The following CUL9 variants were observed in gnomAD, a reference collection of about 807,000 sequenced individuals.
The protein encoded by CUL9 is cullin-9.
Under a neutral mutation model 272.6 loss-of-function variants are expected in CUL9, and 79 were observed. The observed-to-expected ratio is 0.29, with a 90% CI of 0.24 to 0.35. The LOEUF (loss-of-function observed/expected upper bound fraction) is 0.35, where lower values mean the gene tolerates loss of function less well. Among genes scored for constraint, CUL9 ranks in the 10% least tolerant of loss-of-function variants. The probability of loss-of-function intolerance (pLI) is 1.00; values close to 1 mark genes in which losing one functional copy is unlikely to be tolerated. For synonymous variants in CUL9, 1,186 were observed against 1,286.5 expected (o/e 0.92, Z 1.67); for missense variants, 2,532 against 3,255.6 (o/e 0.78, Z 5.41).
At position 43,216,465 on chromosome 6, in the gene CUL9, G is replaced by A. The variant is rs761514456; in HGVS notation, c.6244G>A (p.Asp2082Asn). The stretch of plus-strand genomic sequence containing the variant: ...TGTGAGCCCCCTGGGGTGTGACGAC[G>A]ACCTGCCCTCTCTCTGCTGCATGCA... ...VCVSPLGCDDDLPSLCCMHYC... is the reference protein window; with the variant it reads ...VCVSPLGCDDNLPSLCCMHYC... Residue 2082 changes from aspartate to asparagine, a missense_variant, in exon 31 of 41, where the codon GAC becomes AAC. Transcript: ENST00000252050. 4.4e-6 allele frequency: 7 copies of A among 1,603,738 alleles called. No homozygotes were observed. The highest frequency in any genetic ancestry group is 2.2e-5 in the South Asian group (2 of 90,776).
intron 29 of CUL9, among the ~76,000 whole-genome samples, chr6:43,214,237 T>C (rs1775751707): frequency 6.6e-6 from 1 of 152,038 alleles, no homozygotes; most frequent in Non-Finnish European, 1.5e-5. Context: ...CTGGCCAACA[T>C]GGCGAAACCC....
At chr6:43,198,125 C>T (rs1049312315) in intron 11 of CUL9, 1 of 239,320 alleles carries the variant, frequency 4.2e-6, no homozygotes, top group Non-Finnish European at 6.8e-6. Flanking sequence ...CTTGTAATCC[C>T]AGCTACTTGG....
At position 43,184,794 on chromosome 6, in the gene CUL9, T is replaced by G. The variant is rs757710914; in HGVS notation, c.484T>G (p.Phe162Val). 4.6e-5 allele frequency: 74 copies of G among 1,614,050 alleles called. No homozygotes were observed. Among genetic ancestry groups the G allele is most frequent in the Non-Finnish European group, 6.1e-5 (72 of 1,180,042 alleles). Residue 162 changes from phenylalanine (F) to valine (V), a missense_variant, in exon 2 of 41, where the codon TTC becomes GTC. This residue lies in a region of CUL9 where 2,218 missense variants were observed against 2,788.6 expected (regional missense o/e 0.80). Coordinates refer to ENST00000252050, the MANE Select transcript of CUL9 (RefSeq NM_015089.4). The surrounding 1 kb of genome is among the most constrained non-coding windows in gnomAD (Gnocchi z 4.8). Reference protein sequence around the residue: ...YASIGPLTGVFRETGALDLLM... With the variant: ...YASIGPLTGVVRETGALDLLM... ...CAGCATCGGGCCCCTCACTGGTGTC[T>G]TCAGGGAGACAGGAGCCCTGGACCT...
chr6:43,203,707 A>T lies in CUL9; in HGVS notation c.4025+115A>T, dbSNP rs1167411761. 1 of 1,497,592 alleles carries T rather than the reference A, an allele frequency of 6.7e-7. No homozygotes were observed. Among genetic ancestry groups the T allele is most frequent in the African/African-American group, 1.4e-5 (1 of 71,930 alleles). The allele number at this position is 1,497,592 out of a possible 1,614,324, so 92.8% of individuals were successfully genotyped here. ...AGCTGCAGCCAGGACATGAGGGGGA[A>T]GGTGAACGTAGGTGAGAAGTTTGTG... On this transcript the variant is annotated intron_variant, in intron 19 of 40. Coordinates refer to ENST00000252050, the MANE Select transcript of CUL9 (RefSeq NM_015089.4). The surrounding 1 kb of genome is among the most constrained non-coding windows in gnomAD (Gnocchi z 5.0).
chr6:43,196,496 TG>T (rs2150558441), intron 10 of CUL9, 148 bp from the exon 11 acceptor site: 2 of 837,806 alleles, frequency 2.4e-6, no homozygotes, highest in East Asian at 4.9e-5. Flanking sequence ...TTGGGAGGAG[TG>T]GCCCAAGGTC....
chr6:43,221,218 G>A lies in CUL9; in HGVS notation c.6649G>A (p.Asp2217Asn), dbSNP rs1348319652. The A allele has an allele frequency of 2.5e-6, 4 of 1,611,778 alleles. No homozygotes were observed. The highest frequency in any genetic ancestry group is 4.5e-5 in the East Asian group (2 of 44,868). ...SQWVDDGGYY[D>N]GMSVEAQSKH... The stretch of plus-strand genomic sequence containing the variant: ...GTGGGTCGACGACGGTGGCTACTAT[G>A]ACGGCATGAGCGTGGAGGCGCAGAG... The change falls in exon 34 of 41, where the codon GAC (aspartate) becomes AAC (asparagine). Residue 2217 changes from aspartate to asparagine, a missense_variant. By Grantham distance (23) the Asp-to-Asn change is conservative (BLOSUM62 1). Transcript: ENST00000252050. The surrounding 1 kb of genome is among the most constrained non-coding windows in gnomAD (Gnocchi z 4.2).
In CUL9 at chr6:43,213,245, A is replaced by T. The variant is rs141373410; in HGVS notation, c.5309A>T (p.His1770Leu). The T allele has an allele frequency of 3.7e-6, 6 of 1,612,562 alleles. No individual in the cohort carries two copies. The African/African-American group carries it at 8.1e-5, about 22-fold the overall frequency. Residue 1770 changes from histidine (H) to leucine (L), a missense_variant, in exon 27 of 41, where the codon CAT becomes CTT. Physicochemically the swap from His to Leu is moderately conservative, Grantham distance 99. This residue lies in a region of CUL9 where 2,218 missense variants were observed against 2,788.6 expected (regional missense o/e 0.80). Coordinates refer to ENST00000252050, the MANE Select transcript of CUL9 (RefSeq NM_015089.4). This position sits in a 1 kb window ranked among gnomAD's most constrained non-coding sequence, Gnocchi z 5.7. The part of the protein sequence containing the change: ...AELQFGKQIL[H>L]VSTVQMWLLL... ...CTGCAGTTTGGGAAGCAGATACTGC[A>T]TGTGTCCACCGTGCAGATGTGGCTG... is the stretch of plus-strand genomic sequence containing the variant.
rs945787557 is a variant in CUL9, at chr6:43,200,777, A to T, written c.3590A>T (p.Asn1197Ile). 5 of 1,614,072 alleles carry T rather than the reference A, an allele frequency of 3.1e-6. No homozygotes were observed. The highest frequency in any genetic ancestry group is 4.2e-6 in the Non-Finnish European group (5 of 1,180,028). Residue 1197 changes from asparagine to isoleucine, a missense_variant, in exon 16 of 41, where the codon AAC (asparagine) becomes ATC (isoleucine). Around this residue, in one of 3 missense-constraint regions of CUL9, gnomAD observed 2,218 missense variants for 2,788.6 expected, o/e 0.80. Coordinates refer to ENST00000252050, the MANE Select transcript of CUL9 (RefSeq NM_015089.4). This position sits in a 1 kb window ranked among gnomAD's most constrained non-coding sequence, Gnocchi z 4.0. Reference sequence around the variant, plus strand: ...AACCCCAAGACCTACTGGGAGTCCAACGGCAGCACCGGCTCCCACTACATC... The same window carrying T: ...AACCCCAAGACCTACTGGGAGTCCATCGGCAGCACCGGCTCCCACTACATC... ...DHNPKTYWES[N>I]GSTGSHYITL...
intron 12 of CUL9, 41 bp downstream of exon 12, chr6:43,198,896 A>G (rs371151337): frequency 8.5e-5 from 136 of 1,592,826 alleles, no homozygotes; most frequent in Non-Finnish European, 1.1e-4. Context: ...GGACGAGGGA[A>G]ACTGGCAGAC....
chr6:43,208,266 A>C (rs554732321), intron 26 of CUL9, among the ~76,000 whole-genome samples: 75 of 152,220 alleles, frequency 4.9e-4, no homozygotes, highest in Non-Finnish European at 9.1e-4. Context: ...CAGTGGCTTG[A>C]TCTTGGCTCA....
chr6:43,191,293 C>T (rs60851995), intron 8 of CUL9, among the ~76,000 whole-genome samples: 1,085 of 77,320 alleles, frequency 0.014, 8 homozygotes, highest in African/African-American at 0.056. Flanking sequence ...TGTGTGTGTG[C>T]GTGTTGTTTT....
Position 43,205,280 on chromosome 6 carries a change from C to T in CUL9, c.4650C>T (p.Ala1550=), listed in dbSNP as rs751349191. The change falls in exon 24 of 41, where the codon GCC becomes GCT. Residue 1550 remains alanine (A), a synonymous_variant. Coordinates refer to ENST00000252050, the MANE Select transcript of CUL9 (RefSeq NM_015089.4). Reference sequence around the variant, plus strand: ...GCCCCCAGATGAGTGAGCAGTTTGCCAGGTACATTGACCAACAGATCCAGG... The same window carrying T: ...GCCCCCAGATGAGTGAGCAGTTTGCTAGGTACATTGACCAACAGATCCAGG... ...LTAAHMSEQF[A]RYIDQQIQGG... 1.9e-6 allele frequency: 3 copies of T among 1,613,914 alleles called. No homozygotes were observed. The Admixed American group carries it at 5.0e-5, about 27-fold the overall frequency.
In CUL9 at chr6:43,200,495, C is replaced by G. The variant is rs774667586; in HGVS notation, c.3444C>G (p.Phe1148Leu). 1.2e-6 allele frequency: 2 copies of G among 1,614,234 alleles called. No individual in the cohort carries two copies. The highest frequency in any genetic ancestry group is 2.2e-5 in the South Asian group (2 of 91,092). Residue 1148 changes from phenylalanine (F) to leucine (L), a missense_variant, in exon 15 of 41, where the codon TTC becomes TTG. Physicochemically the swap from Phe to Leu is conservative, Grantham distance 22. Transcript: ENST00000252050. This position sits in a 1 kb window ranked among gnomAD's most constrained non-coding sequence, Gnocchi z 4.0. ...CCCACCAACCCATCAATATCCCCTT[C>G]TTTGATGTGTTCCTCAGGCATCTCT... ...RRTHQPINIP[F>L]FDVFLRHLCQ...
At chr6:43,209,392 G>T (rs1165360234) in intron 26 of CUL9, among the ~76,000 whole-genome samples, 1 of 149,156 alleles carries the variant, frequency 6.7e-6, no homozygotes, top group East Asian at 2.0e-4. Context: ...CTCGTGATTT[G>T]CCTGCCTCAG....
chr6:43,190,489 G>T (rs185274756), intron 8 of CUL9, among the ~76,000 whole-genome samples: 1 of 151,978 alleles, frequency 6.6e-6, no homozygotes, highest in East Asian at 1.9e-4. Context: ...TGGTAAAAAA[G>T]TTAGAAAATT....
Position 43,196,681 on chromosome 6 carries a change from C to T in CUL9, c.2622C>T (p.Leu874=), listed in dbSNP as rs190070150. ...SSAARNGLLL[L]NLLLCNHHTL... is the part of the protein sequence containing the mutation. Reference sequence around the variant, plus strand: ...CAGCGAGAAATGGCTTACTCCTGCTCAACCTACTTTTGTGCAACCACCACA... The same window carrying T: ...CAGCGAGAAATGGCTTACTCCTGCTTAACCTACTTTTGTGCAACCACCACA... The change falls in exon 11 of 41, where the codon CTC becomes CTT. Residue 874 remains leucine, a synonymous_variant. Transcript: ENST00000252050. 3.7e-6 allele frequency: 6 copies of T among 1,614,216 alleles called. No individual in the cohort carries two copies. The African/African-American group carries it at 5.3e-5, about 14-fold the overall frequency.
chr6:43,187,602 T>A, intron 6 of CUL9, 111 bp from the exon 7 acceptor site: 1 of 1,353,514 alleles, frequency 7.4e-7, no homozygotes, highest in Non-Finnish European at 1.0e-6. Flanking sequence ...TGTGAGGGTC[T>A]AGTATGTAGA....
Position 43,222,374 on chromosome 6 carries a change from T to G in CUL9, c.6905T>G (p.Phe2302Cys), listed in dbSNP as rs773975798. The G allele has an allele frequency of 5.7e-6, 9 of 1,586,844 alleles. No homozygotes were observed. The highest frequency in any genetic ancestry group is 6.9e-6 in the Non-Finnish European group (8 of 1,166,740). The change falls in exon 36 of 41, where the codon TTC becomes TGC. Residue 2302 changes from phenylalanine (F) to cysteine (C), a missense_variant. Phe to Cys is a radical substitution (Grantham distance 205). Transcript: ENST00000252050. ...RFQDYNERCTFHHQAREFAVN... is the reference protein window; with the variant it reads ...RFQDYNERCTCHHQAREFAVN... ...CAGGACTATAATGAGAGGTGCACTTTCCATCACCAGGCGCGGGTGAGTCGG... is the reference window on the plus strand; with the variant it reads ...CAGGACTATAATGAGAGGTGCACTTGCCATCACCAGGCGCGGGTGAGTCGG...
At position 43,184,329 on chromosome 6, in the gene CUL9, G is replaced by T; in HGVS notation, c.19G>T (p.Ala7Ser). MVGERH[A>S]GDLMVPLGPR... ...GGTCAGGATGGTGGGGGAACGGCAT[G>T]CTGGGGACCTCATGGTGCCCTTAGG... Residue 7 changes from alanine to serine, a missense_variant, in exon 2 of 41, where the codon GCT becomes TCT. Ala to Ser is a moderately conservative substitution (Grantham distance 99). This residue lies in a region of CUL9 where 2,218 missense variants were observed against 2,788.6 expected (regional missense o/e 0.80). Transcript: ENST00000252050. This position sits in a 1 kb window ranked among gnomAD's most constrained non-coding sequence, Gnocchi z 4.8. 6.5e-7 allele frequency: 1 copy of T among 1,540,468 alleles called. No homozygotes were observed. Among genetic ancestry groups the T allele is most frequent in the Non-Finnish European group, 8.8e-7 (1 of 1,138,432 alleles).
Sources: gnomAD v4.1 joint callset for allele counts (sites outside exome capture counted in the v4.1 genomes callset) on GRCh38, gnomAD v4.1.1 for gene constraint, gnomAD v4.1.1 regional missense constraint, Gnocchi (gnomAD v3.1) non-coding constraint, MANE v1.5 for transcripts, NCBI Gene and HGNC (gene_info 2026-07-23, HGNC 2026-07-21) for gene names.